INHBA: variants seen among roughly 807,000 people sequenced by gnomAD.
INHBA encodes inhibin beta A chain.
INHBA carries 1 observed loss-of-function variant against 29.0 expected under a neutral mutation model. The ratio of observed to expected loss-of-function variants is 0.03; its 90% confidence interval spans 0.01 to 0.16. The LOEUF (loss-of-function observed/expected upper bound fraction) is 0.16. Among genes scored for constraint, INHBA ranks in the 10% least tolerant of loss-of-function variants. The probability of loss-of-function intolerance (pLI) is 1.00; values close to 1 mark genes in which losing one functional copy is unlikely to be tolerated. For synonymous variants in INHBA, 242 were observed against 216.8 expected (o/e 1.12, Z -1.02); for missense variants, 376 against 545.4 (o/e 0.69, Z 3.09).
chr7:41,692,138 A>C (rs1364895811), intron 2 of INHBA: 1 of 152,228 alleles, frequency 6.6e-6, no homozygotes, highest in Non-Finnish European at 1.5e-5. Flanking sequence ...TTTTTTGATT[A>C]ATCAAATATT....
At chr7:41,695,546 C>T (rs985421078) in intron 2 of INHBA, among the ~76,000 whole-genome samples, 2 of 152,160 alleles carry the variant, frequency 1.3e-5, no homozygotes, top group African/African-American at 2.4e-5. Context: ...TGCAGTAGAA[C>T]TATAGGTTTG....
rs1394921811 is a variant in INHBA at position 41,700,408 on chromosome 7, A to T, written c.-34T>A. ...CAAAAGTTGTTGTGATTGCCTTTTTAAAAGGCCCTGCTTTTCCTCCCCCCT... is the reference window on the plus strand; with the variant it reads ...CAAAAGTTGTTGTGATTGCCTTTTTTAAAGGCCCTGCTTTTCCTCCCCCCT... On this transcript the variant is annotated 5_prime_UTR_variant, in exon 2 of 3. Coordinates refer to ENST00000242208, the MANE Select transcript of INHBA (RefSeq NM_002192.4). The T allele has an allele frequency of 7.1e-7, 1 of 1,401,252 alleles. No individual in the cohort carries two copies. Among genetic ancestry groups the T allele is most frequent in the Non-Finnish European group, 9.3e-7 (1 of 1,075,564 alleles). 86.8% of individuals were successfully genotyped at this position (1,401,252 alleles called of 1,614,324 possible). A position where few individuals can be genotyped will look rare whatever the true frequency, so the allele number is the denominator to read the frequency against.
upstream of INHBA, among the ~76,000 whole-genome samples, chr7:41,703,924 A>G (rs1008495293): frequency 9.2e-5 from 14 of 152,216 alleles, no homozygotes; most frequent in Non-Finnish European, 2.1e-4. Flanking sequence ...AAATAGGGGT[A>G]AAGCTGGTCA....
chr7:41,698,491 G>GA (rs962226611), intron 2 of INHBA, among the ~76,000 whole-genome samples: 54 of 150,754 alleles, frequency 3.6e-4, no homozygotes, highest in Non-Finnish European at 5.5e-4. Context: ...GAAAAGTTGA[G>GA]AAAAAAAAAT....
intron 2 of INHBA, among the ~76,000 whole-genome samples, chr7:41,698,129 G>A (rs558556652): frequency 3.9e-5 from 6 of 152,182 alleles, no homozygotes; most frequent in Admixed American, 6.5e-5. Context: ...TCATACAACT[G>A]AGAGAAGACT....
chr7:41,700,370 G>C lies in INHBA; in HGVS notation c.5C>G (p.Pro2Arg). Reference protein sequence around the residue: MPLLWLRGFLLA... With the variant: MRLLWLRGFLLA... ...CAGAAATCCTCTCAGCCAAAGCAAG[G>C]GCATCCTGGCAGCAAAAGTTGTTGT... is the stretch of plus-strand genomic sequence containing the variant. Residue 2 changes from proline (P) to arginine (R), a missense_variant, in exon 2 of 3, where the codon CCC (proline) becomes CGC (arginine). By Grantham distance (103) the Pro-to-Arg change is moderately radical. Transcript: ENST00000242208. The C allele has an allele frequency of 6.9e-7, 1 of 1,456,808 alleles. No homozygotes were observed. Among genetic ancestry groups the C allele is most frequent in the Non-Finnish European group, 9.1e-7 (1 of 1,103,480 alleles). The allele number at this position is 1,456,808 out of a possible 1,614,324, so 90.2% of individuals were successfully genotyped here. A position where few individuals can be genotyped will look rare whatever the true frequency, so the allele number is the denominator to read the frequency against.
In INHBA at chr7:41,702,678, T is replaced by C. The variant is rs1794822493; in HGVS notation, c.-144+327A>G. Among the ~76,000 whole-genome samples, 3 of 152,356 alleles carry C rather than the reference T, an allele frequency of 2.0e-5. No homozygotes were observed. The South Asian group carries it at 6.2e-4, about 32-fold the overall frequency. Reference sequence around the variant, plus strand: ...ACTCAGGAGTCCTAATAGCAGCATTTAGATAAGTGCAACTTATCAATATTT... The same window carrying C: ...ACTCAGGAGTCCTAATAGCAGCATTCAGATAAGTGCAACTTATCAATATTT... On this transcript the variant is annotated intron_variant, in intron 1 of 2. Transcript: ENST00000242208.
At chr7:41,704,992 C>A (rs1390329397), upstream of INHBA, among the ~76,000 whole-genome samples, 1 of 152,072 alleles carries the variant, frequency 6.6e-6, no homozygotes, top group Non-Finnish European at 1.5e-5. Context: ...GTGCTGCAAC[C>A]CCTCTGCAAC....
upstream of INHBA, among the ~76,000 whole-genome samples, chr7:41,704,225 T>C (rs1232995324): frequency 1.3e-5 from 2 of 151,986 alleles, no homozygotes; most frequent in Admixed American, 6.6e-5. Flanking sequence ...GCAGGTTCCA[T>C]TAGGACACCA....
At chr7:41,698,513 T>C (rs1794699582) in intron 2 of INHBA, among the ~76,000 whole-genome samples, 1 of 152,236 alleles carries the variant, frequency 6.6e-6, no homozygotes, top group African/African-American at 2.4e-5. Flanking sequence ...GGTGTCAACT[T>C]GAAAAGTTCC....
intron 2 of INHBA, chr7:41,691,286 A>AGCTGCAGCTGGGTCAG (rs1794520176): frequency 6.6e-6 from 1 of 152,326 alleles, no homozygotes; most frequent in African/African-American, 2.4e-5. Context: ...TTGCTGGGTC[A>AGCTGCAGCTGGGTCAG]CTGCAGCAGC....
At chr7:41,694,728 T>A (rs1454767788) in intron 2 of INHBA, among the ~76,000 whole-genome samples, 2 of 152,128 alleles carry the variant, frequency 1.3e-5, no homozygotes, top group African/African-American at 2.4e-5. Flanking sequence ...ACTAAGAAAG[T>A]CCCACGCAAA....
chr7:41,697,598 G>A lies in INHBA; in HGVS notation c.388+2389C>T, dbSNP rs1794677262. Reference sequence around the variant, plus strand: ...CTGCATCTGTGGCATGCTCATGGGTGACAATGTCTGGATTCTATGCTGCAC... The same window carrying A: ...CTGCATCTGTGGCATGCTCATGGGTAACAATGTCTGGATTCTATGCTGCAC... On this transcript the variant is annotated intron_variant, in intron 2 of 2. Transcript: ENST00000242208. 3.9e-5 allele frequency among the ~76,000 whole-genome samples: 6 copies of A among 152,302 alleles called. No homozygotes were observed. The South Asian group carries it at 1.0e-3, about 26-fold the overall frequency.
rs1664602175 is a variant in INHBA, at chr7:41,689,271, C to A, written c.*379G>T. ...GCTATTTGGGTTGTTCTAGTCCACA[C>A]TACTGCAGACTAGATTGGTTGATTC... On this transcript the variant is annotated 3_prime_UTR_variant, in exon 3 of 3. Transcript: ENST00000242208. The A allele has an allele frequency of 7.9e-6, 2 of 252,716 alleles. No individual in the cohort carries two copies. The allele number at this position is 252,716 out of a possible 1,614,324, so 15.7% of individuals were successfully genotyped here.
chr7:41,689,349 A>G lies in INHBA; in HGVS notation c.*301T>C. 3.0e-6 allele frequency: 1 copy of G among 337,178 alleles called. No individual in the cohort carries two copies. The allele number at this position is 337,178 out of a possible 1,614,324, so 20.9% of individuals were successfully genotyped here. The stretch of plus-strand genomic sequence containing the variant: ...GAAAGGACAATACCCCGTTTAAACA[A>G]CTGATGTCATCAGTGTGATTTCAGA... On this transcript the variant is annotated 3_prime_UTR_variant, in exon 3 of 3. Transcript: ENST00000242208.
chr7:41,697,174 T>G (rs550050989), intron 2 of INHBA, among the ~76,000 whole-genome samples: 8 of 152,340 alleles, frequency 5.3e-5, no homozygotes, highest in Admixed American at 3.9e-4. Flanking sequence ...CTTCTATCTT[T>G]CCTTGTGAAG....
At position 41,700,055 on chromosome 7, in the gene INHBA, A is replaced by G. The variant is rs1001765662; in HGVS notation, c.320T>C (p.Ile107Thr). The change falls in exon 2 of 3, where the codon ATT becomes ACT. Residue 107 changes from isoleucine to threonine, a missense_variant. By Grantham distance (89) the Ile-to-Thr change is moderately conservative. Transcript: ENST00000242208. ...TTCATTCATTTCTGCCCTCCTTCCA[A>G]TGTCATCCTCTATCTCCACATACCC... ...ENGYVEIEDD[I>T]GRRAEMNELM... is the part of the protein sequence containing the mutation. The G allele has an allele frequency of 3.7e-6, 6 of 1,608,444 alleles. No individual in the cohort carries two copies. Among genetic ancestry groups the G allele is most frequent in the Admixed American group, 1.7e-5 (1 of 59,342 alleles).
Position 41,685,166 on chromosome 7 carries a change from C to T in INHBA, c.*4484G>A, listed in dbSNP as rs910511830. The T allele has an allele frequency of 2.0e-5, 3 of 152,102 alleles. No homozygotes were observed. The highest frequency in any genetic ancestry group is 4.4e-5 in the Non-Finnish European group (3 of 67,978). The allele number at this position is 152,102 out of a possible 1,614,324, so 9.4% of individuals were successfully genotyped here. A position where few individuals can be genotyped will look rare whatever the true frequency, so the allele number is the denominator to read the frequency against. On this transcript the variant is annotated 3_prime_UTR_variant, in exon 3 of 3. Coordinates refer to ENST00000242208, the MANE Select transcript of INHBA (RefSeq NM_002192.4). ...ACATAAGGCCAAAGAAGCTATCAGG[C>T]GTTGCTGAATACTGTCCACTAACTG...
At chr7:41,697,795 C>A (rs1413791959) in intron 2 of INHBA, among the ~76,000 whole-genome samples, 1 of 152,128 alleles carries the variant, frequency 6.6e-6, no homozygotes, top group Non-Finnish European at 1.5e-5. Context: ...TGATAAATGT[C>A]TTTTCTGGAC....
Sources: allele counts gnomAD v4.1 joint callset (sites outside exome capture counted in the v4.1 genomes callset), GRCh38; gene constraint gnomAD v4.1.1; transcripts MANE v1.5; gene names NCBI Gene and HGNC (gene_info 2026-07-23, HGNC 2026-07-21).